CEP250: variants seen among roughly 807,000 people sequenced by gnomAD.
CEP250 encodes the protein centrosomal protein 250, also known as centrosome-associated protein CEP250.
A neutral mutation model predicts 315.7 loss-of-function variants in CEP250; 242 were observed. The ratio of observed to expected loss-of-function variants is 0.77; its 90% confidence interval spans 0.69 to 0.85. The LOEUF (loss-of-function observed/expected upper bound fraction) is 0.85. Among genes scored for constraint, CEP250 ranks in the 40% least tolerant of loss-of-function variants. The pLI, the probability that CEP250 is intolerant of heterozygous loss-of-function variation, is 0.00. For synonymous variants in CEP250, 1,088 were observed against 1,175.0 expected (o/e 0.93, Z 1.51); for missense variants, 2,515 against 2,886.4 (o/e 0.87, Z 2.95).
At position 35,467,229 on chromosome 20, in the gene CEP250, G is replaced by A. The variant is rs183055406; in HGVS notation, c.600-75G>A. 8.0e-5 allele frequency: 124 copies of A among 1,541,408 alleles called. 1 individual carries two copies. The African/African-American group carries it at 1.4e-3, about 17-fold the overall frequency. ...GATTTTTCCCAGCCCTGCTCCTCAG[G>A]CTTCACTGGGCCTGATCACCACACT... is the stretch of plus-strand genomic sequence containing the variant. On this transcript the variant is annotated intron_variant, in intron 8 of 34. Transcript: ENST00000397527.
chr20:35,509,721 TC>T (rs2064300798), intron 33 of CEP250, among the ~76,000 whole-genome samples: 1 of 152,248 alleles, frequency 6.6e-6, no homozygotes, highest in Admixed American at 6.5e-5. Flanking sequence ...ATGGTGTACT[TC>T]TGTTAAATTA....
Position 35,478,074 on chromosome 20 carries a change from G to T in CEP250, c.2067G>T (p.Lys689Asn). The T allele has an allele frequency of 6.2e-7, 1 of 1,613,914 alleles. No individual in the cohort carries two copies. Among genetic ancestry groups the T allele is most frequent in the Non-Finnish European group, 8.5e-7 (1 of 1,179,964 alleles). ...QADLRDIQEE[K>N]EEIQKKLSES... ...ATCTCAGGGACATCCAAGAAGAGAAGGAAGAAATTCAAAAGAAACTAAGTG... is the reference window on the plus strand; with the variant it reads ...ATCTCAGGGACATCCAAGAAGAGAATGAAGAAATTCAAAAGAAACTAAGTG... The change falls in exon 17 of 35, where the codon AAG becomes AAT. Residue 689 changes from lysine to asparagine, a missense_variant. Coordinates refer to ENST00000397527, the MANE Select transcript of CEP250 (RefSeq NM_007186.6).
chr20:35,479,586 C>T, intron 18 of CEP250, 60 bp from the exon 19 acceptor site: 1 of 1,592,986 alleles, frequency 6.3e-7, no homozygotes, highest in Non-Finnish European at 8.6e-7. Context: ...CCCAGCTCCT[C>T]TTGAGGAAGG....
At chr20:35,469,057 AATT>A (rs1233241589) in intron 9 of CEP250, among the ~76,000 whole-genome samples, 1 of 152,124 alleles carries the variant, frequency 6.6e-6, no homozygotes, top group East Asian at 1.9e-4. Flanking sequence ...TATAGAATAA[AATT>A]ATTAAGACTT....
intron 32 of CEP250, among the ~76,000 whole-genome samples, chr20:35,508,605 G>A (rs926776686): frequency 1.3e-5 from 2 of 152,122 alleles, no homozygotes; most frequent in African/African-American, 2.4e-5. Context: ...GAGCCACCAC[G>A]CCCAGCCCTG....
In CEP250 at chr20:35,501,941, C is replaced by T; in HGVS notation, c.3995C>T (p.Ala1332Val). Residue 1332 changes from alanine (A) to valine (V), a missense_variant, in exon 29 of 35, where the codon GCA becomes GTA. Ala to Val is a moderately conservative substitution (Grantham distance 64, BLOSUM62 0). Transcript: ENST00000397527. Reference protein sequence around the residue: ...MASLQSRLRRAELQRMEAQGE... With the variant: ...MASLQSRLRRVELQRMEAQGE... ...TCCTTACAGAGTCGCCTGCGGAGAG[C>T]AGAGCTACAGCGAATGGAAGCCCAG... The T allele has an allele frequency of 6.2e-7, 1 of 1,613,006 alleles. No individual in the cohort carries two copies. The highest frequency in any genetic ancestry group is 1.7e-5 in the Admixed American group (1 of 60,014).
rs1568770849 is a variant in CEP250, at chr20:35,472,681, G to A, written c.1059G>A (p.Val353=). The A allele has an allele frequency of 9.9e-6, 16 of 1,614,162 alleles. No individual in the cohort carries two copies. The highest frequency in any genetic ancestry group is 1.4e-5 in the Non-Finnish European group (16 of 1,180,004). ...QVIKDITQVM[V]EEGDNIAQGS... The stretch of plus-strand genomic sequence containing the variant: ...GCTGTATTGGGTTTCAGGTCATGGT[G>A]GAAGAAGGGGACAATATAGCCCAAG... The change falls in exon 12 of 35, where the codon GTG becomes GTA. Residue 353 remains valine, a synonymous_variant. Transcript: ENST00000397527.
chr20:35,476,876 T>G (rs11907059), intron 16 of CEP250, among the ~76,000 whole-genome samples: 2,182 of 152,244 alleles, frequency 0.014, 41 homozygotes, highest in African/African-American at 0.049. Flanking sequence ...TTGAGATGGA[T>G]CTCCCTCTGT....
At chr20:35,461,299 C>T (rs1179932069) in intron 3 of CEP250, among the ~76,000 whole-genome samples, 2 of 152,228 alleles carry the variant, frequency 1.3e-5, no homozygotes, top group Non-Finnish European at 2.9e-5. Context: ...GCCTAAGTAA[C>T]TCAGAGGTCA....
Position 35,480,149 on chromosome 20 carries a change from A to G in CEP250, c.2586+4A>G. On this transcript the variant is annotated splice_donor_region_variant and intron_variant, in intron 20 of 34. Transcript: ENST00000397527. ...GAACCAGCTCCGGGAGAAATGGGTA[A>G]GTGGTCAATGTGGCCGGGTATGGCC... The G allele has an allele frequency of 1.2e-6, 2 of 1,610,152 alleles. No individual in the cohort carries two copies. The highest frequency in any genetic ancestry group is 1.7e-6 in the Non-Finnish European group (2 of 1,178,970).
At chr20:35,489,991 CA>C (rs1429297080) in intron 20 of CEP250, among the ~76,000 whole-genome samples, 1 of 152,064 alleles carries the variant, frequency 6.6e-6, no homozygotes, top group East Asian at 1.9e-4. Flanking sequence ...CCAGCCTGGG[CA>C]ACATAGTGAG....
intron 12 of CEP250, 148 bp downstream of exon 12, chr20:35,472,979 A>G (rs779179278): frequency 4.9e-5 from 36 of 734,696 alleles, no homozygotes; most frequent in Non-Finnish European, 6.8e-5. Flanking sequence ...AAATCTGCCT[A>G]TGTCTGCTGA....
intron 20 of CEP250, among the ~76,000 whole-genome samples, chr20:35,490,247 A>C (rs1375856223): frequency 6.6e-6 from 1 of 152,004 alleles, no homozygotes; most frequent in Non-Finnish European, 1.5e-5. Context: ...TGAAAGGTGG[A>C]GGTTGCAGTG....
chr20:35,481,826 C>G (rs1444633227), intron 20 of CEP250, among the ~76,000 whole-genome samples: 3 of 152,122 alleles, frequency 2.0e-5, no homozygotes, highest in Admixed American at 2.0e-4. Flanking sequence ...CCTCAGCCTC[C>G]CAAGTAGCTG....
chr20:35,498,998 G>A (rs2063926511), intron 27 of CEP250, among the ~76,000 whole-genome samples: 1 of 152,170 alleles, frequency 6.6e-6, no homozygotes, highest in Admixed American at 6.5e-5. Flanking sequence ...GGGTAGGCCA[G>A]GCACGGTGGC....
intron 23 of CEP250, among the ~76,000 whole-genome samples, chr20:35,493,930 A>T (rs541025770): frequency 6.6e-6 from 1 of 152,336 alleles, no homozygotes; most frequent in South Asian, 2.1e-4. Context: ...TTTTTAAAAA[A>T]GCAATCACAA....
In CEP250 at chr20:35,518,665, G is replaced by A. The variant is rs754286412; in HGVS notation, c.*7039G>A. ...TGCTATTTTTGATGCTCAAATTGCC[G>A]CAAATCTAATGTCCAAGTGTTCTTG... On this transcript the variant is annotated 3_prime_UTR_variant, in exon 35 of 35. Coordinates refer to ENST00000397527, the MANE Select transcript of CEP250 (RefSeq NM_007186.6). The A allele has an allele frequency of 2.0e-5, 3 of 152,058 alleles. No individual in the cohort carries two copies. Among genetic ancestry groups the A allele is most frequent in the East Asian group, 1.9e-4 (1 of 5,194 alleles). The allele number at this position is 152,058 out of a possible 1,614,324, so 9.4% of individuals were successfully genotyped here. A position where few individuals can be genotyped will look rare whatever the true frequency, so the allele number is the denominator to read the frequency against.
Position 35,513,992 on chromosome 20 carries a change from A to G in CEP250, c.*2366A>G, listed in dbSNP as rs2236160. The G allele has an allele frequency of 0.34, 52,268 of 152,078 alleles. 10,390 individuals carry two copies. Among genetic ancestry groups the G allele is most frequent in the African/African-American group, 0.55 (22,618 of 41,488 alleles). The allele number at this position is 152,078 out of a possible 1,614,324, so 9.4% of individuals were successfully genotyped here. A position where few individuals can be genotyped will look rare whatever the true frequency, so the allele number is the denominator to read the frequency against. On this transcript the variant is annotated 3_prime_UTR_variant, in exon 35 of 35. Coordinates refer to ENST00000397527, the MANE Select transcript of CEP250 (RefSeq NM_007186.6). ...CACTCGAGCTTGTGGATGATCTTCC[A>G]CTCCGGCTTTCTAAAGTACACTTTC...
intron 3 of CEP250, among the ~76,000 whole-genome samples, chr20:35,460,440 T>C (rs933001978): frequency 2.0e-5 from 3 of 152,132 alleles, no homozygotes; most frequent in Non-Finnish European, 4.4e-5. Context: ...AGAGAATCGG[T>C]GTGTGCATAG....
Sources: gnomAD v4.1 joint callset for allele counts (sites outside exome capture counted in the v4.1 genomes callset) on GRCh38, gnomAD v4.1.1 for gene constraint, MANE v1.5 for transcripts, NCBI Gene and HGNC (gene_info 2026-07-23, HGNC 2026-07-21) for gene names.